The following IDE variants were observed in gnomAD, a reference collection of about 807,000 sequenced individuals.
IDE encodes the protein insulin-degrading enzyme.
In IDE, 58 loss-of-function variants were observed where a neutral mutation model predicts 133.2. The observed-to-expected ratio is 0.44, with a 90% CI of 0.35 to 0.54. IDE has a LOEUF of 0.54. IDE is among the 20% of genes least tolerant of loss of function. The pLI, the probability that IDE is intolerant of heterozygous loss-of-function variation, is 0.00. For synonymous variants in IDE, 396 were observed against 421.3 expected (o/e 0.94, Z 0.73); for missense variants, 981 against 1,234.0 (o/e 0.79, Z 3.07).
At chr10:92,496,631 C>T (rs756933194) in intron 11 of IDE, among the ~76,000 whole-genome samples, 1 of 151,956 alleles carries the variant, frequency 6.6e-6, no homozygotes, top group Non-Finnish European at 1.5e-5. Context: ...ACTAAAAATA[C>T]AAAAATTAGC....
At chr10:92,503,630 T>G (rs897727390) in intron 11 of IDE, among the ~76,000 whole-genome samples, 7 of 152,164 alleles carry the variant, frequency 4.6e-5, no homozygotes, top group African/African-American at 9.7e-5. Context: ...TATGCAATTA[T>G]CGCTAATGAA....
intron 1 of IDE, among the ~76,000 whole-genome samples, chr10:92,573,654 C>T (rs750918521): frequency 5.9e-5 from 9 of 152,232 alleles, no homozygotes; most frequent in Non-Finnish European, 1.3e-4. Context: ...GTGGCACACG[C>T]CCCGTGGCCC....
intron 1 of IDE, chr10:92,573,038 C>G (rs1232959484): frequency 4.1e-6 from 4 of 985,212 alleles, no homozygotes; most frequent in Non-Finnish European, 3.6e-6. Flanking sequence ...TAGGTGCTGG[C>G]TATTACTGAT....
At chr10:92,518,390 G>A (rs946557176) in intron 4 of IDE, among the ~76,000 whole-genome samples, 2 of 151,986 alleles carry the variant, frequency 1.3e-5, no homozygotes, top group Non-Finnish European at 2.9e-5. Context: ...AAAAATACAC[G>A]TAAAAAAAGT....
At chr10:92,514,140 A>G (rs1848778080) in intron 5 of IDE, among the ~76,000 whole-genome samples, 1 of 152,180 alleles carries the variant, frequency 6.6e-6, no homozygotes, top group South Asian at 2.1e-4. Flanking sequence ...CATTTTTAAA[A>G]GTAAAAATGC....
At position 92,486,520 on chromosome 10, in the gene IDE, C is replaced by T. The variant is rs1433937454; in HGVS notation, c.1656+676G>A. On this transcript the variant is annotated intron_variant, in intron 13 of 24. Coordinates refer to ENST00000265986, the MANE Select transcript of IDE (RefSeq NM_004969.4). ...AAAAAGAAACATCTGTGTGTGTGTG[C>T]CTACAGTCATGAGTTTAGAAACAGT... Among the ~76,000 whole-genome samples, 4 of 151,888 alleles carry T rather than the reference C, an allele frequency of 2.6e-5. No homozygotes were observed. The East Asian group carries it at 5.8e-4, about 22-fold the overall frequency.
At chr10:92,470,224 C>T (rs370885238) in intron 18 of IDE, 30 bp downstream of exon 18, 7 of 1,449,198 alleles carry the variant, frequency 4.8e-6, no homozygotes, top group Non-Finnish European at 6.7e-6. Flanking sequence ...CAATGATCCA[C>T]AAAAGATTGC....
intron 6 of IDE, among the ~76,000 whole-genome samples, chr10:92,509,679 G>A (rs1399504298): frequency 6.6e-6 from 1 of 152,082 alleles, no homozygotes; most frequent in Non-Finnish European, 1.5e-5. Flanking sequence ...CCAGCATTTT[G>A]GGAGGCTGAG....
At chr10:92,562,980 G>A (rs1026122387) in intron 1 of IDE, among the ~76,000 whole-genome samples, 3 of 152,170 alleles carry the variant, frequency 2.0e-5, no homozygotes, top group African/African-American at 7.2e-5. Flanking sequence ...GCTGGGCACA[G>A]TGGCTCACGC....
intron 1 of IDE, among the ~76,000 whole-genome samples, chr10:92,566,407 T>TCACA (rs879368086): frequency 6.8e-4 from 96 of 141,836 alleles, no homozygotes; most frequent in African/African-American, 2.3e-3. Context: ...TCTCTCTCTC[T>TCACA]CTCTCTCACA....
intron 1 of IDE, among the ~76,000 whole-genome samples, chr10:92,571,953 T>G (rs1014701031): frequency 6.6e-6 from 1 of 152,226 alleles, no homozygotes; most frequent in Admixed American, 6.5e-5. Context: ...CCTAAAACTA[T>G]GCCCTAATCC....
At chr10:92,547,590 T>C (rs965546377) in intron 1 of IDE, among the ~76,000 whole-genome samples, 186 of 152,208 alleles carry the variant, frequency 1.2e-3, no homozygotes, top group Non-Finnish European at 1.7e-3. Context: ...ATCATGTTGG[T>C]GCTCAAAAAA....
chr10:92,491,985 G>C (rs1847380856), intron 11 of IDE, among the ~76,000 whole-genome samples: 1 of 152,080 alleles, frequency 6.6e-6, no homozygotes, highest in Non-Finnish European at 1.5e-5. Context: ...TCAAGGATGG[G>C]CATGGTGACT....
intron 2 of IDE, among the ~76,000 whole-genome samples, chr10:92,536,868 T>C (rs1411852066): frequency 6.6e-6 from 1 of 151,690 alleles, no homozygotes. Flanking sequence ...TGAAACCCCA[T>C]CTCTAATAAA....
intron 1 of IDE, among the ~76,000 whole-genome samples, chr10:92,542,358 C>CT (rs1842349211): frequency 6.6e-6 from 1 of 152,204 alleles, no homozygotes. Flanking sequence ...TTTCGCCATG[C>CT]TGGCCAGACT....
At chr10:92,511,002 CTTT>C (rs1283060392) in intron 5 of IDE, among the ~76,000 whole-genome samples, 1 of 138,860 alleles carries the variant, frequency 7.2e-6, no homozygotes, top group Non-Finnish European at 1.5e-5. Flanking sequence ...GAACAGCTTG[CTTT>C]TTATTTTATA....
intron 4 of IDE, among the ~76,000 whole-genome samples, chr10:92,519,739 C>T (rs75442105): frequency 0.035 from 5,391 of 152,270 alleles, 364 homozygotes; most frequent in African/African-American, 0.12. Flanking sequence ...ACCTCTCTTA[C>T]GCCTCAGTTT....
intron 11 of IDE, among the ~76,000 whole-genome samples, chr10:92,498,296 AC>A (rs1176663253): frequency 6.6e-6 from 1 of 152,224 alleles, no homozygotes; most frequent in African/African-American, 2.4e-5. Context: ...TGACAAAACC[AC>A]ACAAAATTAG....
At chr10:92,566,256 T>C (rs931354140) in intron 1 of IDE, among the ~76,000 whole-genome samples, 1 of 150,890 alleles carries the variant, frequency 6.6e-6, no homozygotes, top group Non-Finnish European at 1.5e-5. Flanking sequence ...TTCCAGCTAC[T>C]AGCCCCAGCT....
Sources: gnomAD v4.1 joint callset for allele counts (sites outside exome capture counted in the v4.1 genomes callset) on GRCh38, gnomAD v4.1.1 for gene constraint, MANE v1.5 for transcripts, NCBI Gene and HGNC (gene_info 2026-07-23, HGNC 2026-07-21) for gene names.